KATNIP: variants seen among roughly 807,000 people sequenced by gnomAD.
The protein encoded by KATNIP is katanin-interacting protein.
A neutral mutation model predicts 174.0 loss-of-function variants in KATNIP; 126 were observed. The observed-to-expected ratio is 0.72, with a 90% CI of 0.63 to 0.84. The LOEUF (loss-of-function observed/expected upper bound fraction) is 0.84. Among genes scored for constraint, KATNIP ranks in the 40% least tolerant of loss-of-function variants. The pLI is 0.00. For missense variants in KATNIP, 1,958 were observed against 2,109.7 expected, an observed-to-expected ratio of 0.93 and a Z score of 1.41; for synonymous variants, 810 against 835.7, an observed-to-expected ratio of 0.97 and a Z score of 0.53.
chr16:27,682,529 G>T (rs1391178145), intron 8 of KATNIP, among the ~76,000 whole-genome samples: 1 of 152,190 alleles, frequency 6.6e-6, no homozygotes, highest in African/African-American at 2.4e-5. Context: ...GATGTAGAGG[G>T]TGGGGGCTCA....
At chr16:27,612,564 G>C (rs1322870029) in intron 2 of KATNIP, among the ~76,000 whole-genome samples, 1 of 151,864 alleles carries the variant, frequency 6.6e-6, no homozygotes, top group Non-Finnish European at 1.5e-5. Flanking sequence ...TTCGAGACCA[G>C]CCTGGCCAAC....
At chr16:27,742,904 TAC>T (rs1353006576) in intron 15 of KATNIP, among the ~76,000 whole-genome samples, 2 of 152,186 alleles carry the variant, frequency 1.3e-5, no homozygotes. Flanking sequence ...GCAGGTTTGT[TAC>T]ATAGGTAAAT....
intron 6 of KATNIP, among the ~76,000 whole-genome samples, chr16:27,652,694 T>A (rs1249821397): frequency 6.6e-6 from 1 of 151,336 alleles, no homozygotes; most frequent in Non-Finnish European, 1.5e-5. Context: ...ACACCTGTAA[T>A]CCCAGCTACT....
intron 5 of KATNIP, among the ~76,000 whole-genome samples, chr16:27,636,527 G>C (rs1323228489): frequency 6.6e-6 from 1 of 151,822 alleles, no homozygotes; most frequent in South Asian, 2.1e-4. Context: ...AGCTATGTAC[G>C]TGTAACCTCT....
chr16:27,756,402 C>T lies in KATNIP; in HGVS notation c.3631+2151C>T, dbSNP rs1371278452. 4.6e-5 allele frequency among the ~76,000 whole-genome samples: 7 copies of T among 152,240 alleles called. No individual in the cohort carries two copies. The South Asian group carries it at 1.4e-3, about 32-fold the overall frequency. On this transcript the variant is annotated intron_variant, in intron 18 of 27. Coordinates refer to ENST00000261588, the MANE Select transcript of KATNIP (RefSeq NM_015202.5). ...GTGCTGGGCTTTCTCTGCCTTATCT[C>T]GCTGTAACACTCCTAGCTCTGTTTT...
intron 6 of KATNIP, among the ~76,000 whole-genome samples, chr16:27,662,986 A>G (rs1035334815): frequency 1.3e-5 from 2 of 152,044 alleles, no homozygotes; most frequent in Non-Finnish European, 2.9e-5. Context: ...TTAGTCATCC[A>G]TTCATTCATT....
At chr16:27,604,310 G>A (rs1481852897) in intron 2 of KATNIP, among the ~76,000 whole-genome samples, 1 of 152,024 alleles carries the variant, frequency 6.6e-6, no homozygotes, top group Non-Finnish European at 1.5e-5. Flanking sequence ...GTGTTACCCA[G>A]GCTAGTTTGA....
chr16:27,584,568 G>A (rs2090820303), intron 2 of KATNIP, among the ~76,000 whole-genome samples: 1 of 151,996 alleles, frequency 6.6e-6, no homozygotes, highest in Admixed American at 6.6e-5. Flanking sequence ...TGAGGTAGGT[G>A]GATCACCTAA....
intron 4 of KATNIP, among the ~76,000 whole-genome samples, chr16:27,630,077 A>C (rs1385506297): frequency 6.6e-6 from 1 of 152,220 alleles, no homozygotes; most frequent in East Asian, 1.9e-4. Context: ...GCTTATCCCA[A>C]GTAGCTGTCA....
At chr16:27,657,056 A>G (rs1403166923) in intron 6 of KATNIP, among the ~76,000 whole-genome samples, 2 of 152,196 alleles carry the variant, frequency 1.3e-5, no homozygotes. Flanking sequence ...ATTTGAGATG[A>G]ACTATATTAT....
intron 14 of KATNIP, among the ~76,000 whole-genome samples, chr16:27,733,307 T>G (rs1567364815): frequency 6.6e-6 from 1 of 152,142 alleles, no homozygotes; most frequent in Admixed American, 6.5e-5. Context: ...TCACTTAGAT[T>G]GAAATAATAT....
intron 8 of KATNIP, among the ~76,000 whole-genome samples, chr16:27,696,403 A>G (rs1312260772): frequency 6.6e-6 from 1 of 152,162 alleles, no homozygotes; most frequent in African/African-American, 2.4e-5. Context: ...GGTCAACTGC[A>G]TGTCACAGGG....
At chr16:27,659,006 A>G (rs1245063037) in intron 6 of KATNIP, among the ~76,000 whole-genome samples, 3 of 151,750 alleles carry the variant, frequency 2.0e-5, no homozygotes, top group African/African-American at 7.3e-5. Context: ...ACCTCAAGTG[A>G]TACACCTGCC....
Position 27,701,575 on chromosome 16 carries a change from C to A in KATNIP, c.1180-14C>A. On this transcript the variant is annotated splice_polypyrimidine_tract_variant and intron_variant, in intron 10 of 27. Transcript: ENST00000261588. ...TGCCTGAGACATCTGTTTAATAAGC[C>A]TTTCCATCCTCAGCTGCTTCCCATC... 1.3e-6 allele frequency: 2 copies of A among 1,566,690 alleles called. No individual in the cohort carries two copies. Among genetic ancestry groups the A allele is most frequent in the Non-Finnish European group, 1.7e-6 (2 of 1,154,152 alleles).
At chr16:27,582,775 A>G (rs2090747164) in intron 2 of KATNIP, among the ~76,000 whole-genome samples, 2 of 152,232 alleles carry the variant, frequency 1.3e-5, no homozygotes, top group African/African-American at 4.8e-5. Flanking sequence ...CAGTGAATTC[A>G]TACGTGTCAA....
At chr16:27,690,326 A>ATAGT (rs1402676680) in intron 8 of KATNIP, among the ~76,000 whole-genome samples, 1 of 128,742 alleles carries the variant, frequency 7.8e-6, no homozygotes, top group African/African-American at 2.9e-5. Context: ...AGATAGATAG[A>ATAGT]TAGATAGATA....
intron 1 of KATNIP, among the ~76,000 whole-genome samples, chr16:27,553,546 G>A (rs985057154): frequency 6.6e-6 from 1 of 152,164 alleles, no homozygotes; most frequent in South Asian, 2.1e-4. Context: ...TGGGTTCAGT[G>A]GCTCACGCCT....
rs979153577 is a variant in KATNIP at position 27,701,516 on chromosome 16, A to AC, written c.1180-71dup. Reference sequence around the variant, plus strand: ...GTCAGCCTGAGCATGCCTGCCCTTGACCGTGACCCTGCTGTGTCTTAGGCC... The same window carrying AC: ...GTCAGCCTGAGCATGCCTGCCCTTGACCCGTGACCCTGCTGTGTCTTAGGCC... On this transcript the variant is annotated intron_variant, in intron 10 of 27. Transcript: ENST00000261588. 5 of 1,178,400 alleles carry AC rather than the reference A, an allele frequency of 4.2e-6. No individual in the cohort carries two copies. The African/African-American group carries it at 7.6e-5, about 18-fold the overall frequency. 73.0% of individuals were successfully genotyped at this position (1,178,400 alleles called of 1,614,324 possible). A position where few individuals can be genotyped will look rare whatever the true frequency, so the allele number is the denominator to read the frequency against.
At chr16:27,716,114 G>C (rs938001225) in intron 13 of KATNIP, among the ~76,000 whole-genome samples, 2 of 152,138 alleles carry the variant, frequency 1.3e-5, no homozygotes, top group African/African-American at 4.8e-5. Flanking sequence ...ATATTATTCA[G>C]CCCTAAAAAG....
Sources: gnomAD v4.1 joint callset for allele counts (sites outside exome capture counted in the v4.1 genomes callset) on GRCh38, gnomAD v4.1.1 for gene constraint, MANE v1.5 for transcripts, NCBI Gene and HGNC (gene_info 2026-07-23, HGNC 2026-07-21) for gene names.